UNC5D: variants seen among roughly 807,000 people sequenced by gnomAD.
UNC5D encodes unc-5 netrin receptor D.
In UNC5D, 39 loss-of-function variants were observed where a neutral mutation model predicts 105.4. That is an observed-to-expected ratio of 0.37 (90% confidence interval 0.29 to 0.48). UNC5D has a LOEUF of 0.48. Among genes scored for constraint, UNC5D ranks in the 20% least tolerant of loss-of-function variants. The pLI is 0.98. For missense variants in UNC5D, 991 were observed against 1,202.4 expected (o/e 0.82, Z 2.60); for synonymous variants, 452 against 450.4 (o/e 1.00, Z -0.04).
chr8:35,796,452 A>C lies in UNC5D; in HGVS notation c.*5889A>C, dbSNP rs1803261511. ...TGCAAAAAAAAAAAAAAAAAAAAAA[A>C]CTGGATGGTTGCAGACTTTTCAAGA... On this transcript the variant is annotated 3_prime_UTR_variant, in exon 17 of 17. Coordinates refer to ENST00000404895, the MANE Select transcript of UNC5D (RefSeq NM_080872.4). 6.7e-6 allele frequency: 1 copy of C among 148,808 alleles called. No individual in the cohort carries two copies. Among genetic ancestry groups the C allele is most frequent in the African/African-American group, 2.5e-5 (1 of 39,590 alleles). 9.2% of individuals were successfully genotyped at this position (148,808 alleles called of 1,614,324 possible).
At chr8:35,451,041 CTTTTT>C (rs11368288) in intron 1 of UNC5D, among the ~76,000 whole-genome samples, 2 of 103,988 alleles carry the variant, frequency 1.9e-5, no homozygotes, top group Non-Finnish European at 2.0e-5. Context: ...TAATAATAAT[CTTTTT>C]TTTTTTTTTT....
chr8:35,702,239 T>C (rs947857082), intron 7 of UNC5D, among the ~76,000 whole-genome samples: 1 of 152,104 alleles, frequency 6.6e-6, no homozygotes, highest in African/African-American at 2.4e-5. Context: ...GAGACCCTTC[T>C]GGGACCATTT....
At chr8:35,308,615 C>A (rs1014853266) in intron 1 of UNC5D, among the ~76,000 whole-genome samples, 2 of 152,088 alleles carry the variant, frequency 1.3e-5, no homozygotes, top group African/African-American at 2.4e-5. Context: ...GGAACCAAAG[C>A]TCGATCAATA....
chr8:35,461,097 C>A (rs1292461018), intron 1 of UNC5D, among the ~76,000 whole-genome samples: 2 of 152,184 alleles, frequency 1.3e-5, no homozygotes, highest in African/African-American at 4.8e-5. Flanking sequence ...GCTCTGTGGA[C>A]ATAAACTCCT....
chr8:35,564,093 T>C (rs2130766425), intron 2 of UNC5D, among the ~76,000 whole-genome samples: 1 of 152,294 alleles, frequency 6.6e-6, no homozygotes, highest in African/African-American at 2.4e-5. Context: ...TGTCTGATTT[T>C]GGTATCAGGG....
At chr8:35,540,007 C>G (rs80186660) in intron 1 of UNC5D, among the ~76,000 whole-genome samples, 190 of 152,244 alleles carry the variant, frequency 1.2e-3, no homozygotes, top group African/African-American at 4.5e-3. Context: ...GGTTTTCTGT[C>G]ATTCAATGTT....
chr8:35,422,887 T>C (rs1195622774), intron 1 of UNC5D, among the ~76,000 whole-genome samples: 1 of 152,100 alleles, frequency 6.6e-6, no homozygotes, highest in Admixed American at 6.5e-5. Flanking sequence ...GTAGTTACAG[T>C]AATTAAAGTG....
At chr8:35,347,722 G>A (rs1482656961) in intron 1 of UNC5D, among the ~76,000 whole-genome samples, 3 of 151,942 alleles carry the variant, frequency 2.0e-5, no homozygotes, top group Non-Finnish European at 4.4e-5. Flanking sequence ...AAAGAGGCCA[G>A]GCCTCAAGAT....
At chr8:35,684,845 C>A (rs1026937197) in intron 6 of UNC5D, 96 bp downstream of exon 6, 136 of 1,427,106 alleles carry the variant, frequency 9.5e-5, no homozygotes, top group Middle Eastern at 2.0e-4. Flanking sequence ...CAAAGTTACC[C>A]TCTCCCAAGT....
chr8:35,683,468 C>A, intron 4 of UNC5D, 79 bp from the exon 5 acceptor site: 1 of 1,436,452 alleles, frequency 7.0e-7, no homozygotes, highest in Non-Finnish European at 9.3e-7. Flanking sequence ...TCTCCCACAC[C>A]CGAATCTGCT....
At chr8:35,342,086 TC>T (rs1233218896) in intron 1 of UNC5D, among the ~76,000 whole-genome samples, 1 of 152,102 alleles carries the variant, frequency 6.6e-6, no homozygotes, top group African/African-American at 2.4e-5. Flanking sequence ...AAGTAATTTC[TC>T]CCCCTGGTTA....
chr8:35,384,234 A>C (rs1476854014), intron 1 of UNC5D, among the ~76,000 whole-genome samples: 1 of 151,546 alleles, frequency 6.6e-6, no homozygotes, highest in East Asian at 1.9e-4. Context: ...AAAAAAACAA[A>C]AAAAAACTAA....
intron 4 of UNC5D, among the ~76,000 whole-genome samples, chr8:35,614,322 T>C (rs1033394260): frequency 6.6e-6 from 1 of 152,156 alleles, no homozygotes; most frequent in Admixed American, 6.5e-5. Context: ...GACTATGAAA[T>C]GAGGATTTTA....
intron 16 of UNC5D, 112 bp downstream of exon 16, chr8:35,774,589 T>C (rs564642743): frequency 5.9e-6 from 8 of 1,353,494 alleles, no homozygotes; most frequent in Non-Finnish European, 8.0e-6. Flanking sequence ...TGAGTTCCTC[T>C]GGCCATATTT....
chr8:35,745,693 A>C (rs980911882), intron 11 of UNC5D, among the ~76,000 whole-genome samples: 1 of 152,248 alleles, frequency 6.6e-6, no homozygotes, highest in Non-Finnish European at 1.5e-5. Context: ...ATATGTGCAC[A>C]TATATGTATA....
chr8:35,514,163 C>T (rs943090181), intron 1 of UNC5D, among the ~76,000 whole-genome samples: 4 of 152,188 alleles, frequency 2.6e-5, no homozygotes, highest in African/African-American at 7.2e-5. Flanking sequence ...TCTGCAGCCA[C>T]GTGAATACTT....
intron 16 of UNC5D, among the ~76,000 whole-genome samples, chr8:35,779,007 C>T (rs1403077009): frequency 6.6e-6 from 1 of 152,218 alleles, no homozygotes; most frequent in Non-Finnish European, 1.5e-5. Flanking sequence ...AAATAAGCTA[C>T]ACAGCCTAGC....
Position 35,358,064 on chromosome 8 carries a change from C to T in UNC5D, c.103+122177C>T, listed in dbSNP as rs188353931. Among the ~76,000 whole-genome samples, 747 of 152,268 alleles carry T rather than the reference C, an allele frequency of 4.9e-3. 3 individuals carry two copies. The highest frequency in any genetic ancestry group is 0.021 in the South Asian group (100 of 4,830). ...CACTGGGAAAATTTTCTCCTGCCCC[C>T]AGATCTTTGCTTACTATCTAGACTT... On this transcript the variant is annotated intron_variant, in intron 1 of 16. Coordinates refer to ENST00000404895, the MANE Select transcript of UNC5D (RefSeq NM_080872.4).
At chr8:35,528,520 T>C (rs1814070999) in intron 1 of UNC5D, among the ~76,000 whole-genome samples, 1 of 146,756 alleles carries the variant, frequency 6.8e-6, no homozygotes, top group African/African-American at 2.5e-5. Flanking sequence ...TGTGCATGTG[T>C]CTTTATAGCA....
Sources: allele counts gnomAD v4.1 joint callset (sites outside exome capture counted in the v4.1 genomes callset), GRCh38; gene constraint gnomAD v4.1.1; transcripts MANE v1.5; gene names NCBI Gene and HGNC (gene_info 2026-07-23, HGNC 2026-07-21).